The following LDLRAD4 variants were observed in gnomAD, a reference collection of about 807,000 sequenced individuals.
LDLRAD4 encodes the protein low-density lipoprotein receptor class A domain-containing protein 4.
A neutral mutation model predicts 17.0 loss-of-function variants in LDLRAD4; 5 were observed. The observed-to-expected ratio is 0.29, with a 90% confidence interval of 0.15 to 0.62. LDLRAD4 has a LOEUF of 0.62. LDLRAD4 is among the 20% of genes least tolerant of loss of function. The probability of loss-of-function intolerance (pLI) is 0.84; values close to 1 mark genes in which losing one functional copy is unlikely to be tolerated. For synonymous variants in LDLRAD4, 168 were observed against 171.8 expected (o/e 0.98, Z 0.17); for missense variants, 340 against 424.7 (o/e 0.80, Z 1.75).
intron 1 of LDLRAD4, among the ~76,000 whole-genome samples, chr18:13,379,435 G>A (rs2085174290): frequency 6.6e-6 from 1 of 152,240 alleles, no homozygotes; most frequent in Non-Finnish European, 1.5e-5. Flanking sequence ...GGTACCTGCT[G>A]TATTCTAGTC....
At chr18:13,269,470 A>T (rs1345318054) in intron 1 of LDLRAD4, among the ~76,000 whole-genome samples, 1 of 152,248 alleles carries the variant, frequency 6.6e-6, no homozygotes, top group South Asian at 2.1e-4. Flanking sequence ...ATGAGGTAGT[A>T]GAAGCATGTC....
chr18:13,561,470 A>G (rs2094540033), intron 3 of LDLRAD4: 1 of 152,220 alleles, frequency 6.6e-6, no homozygotes, highest in Non-Finnish European at 1.5e-5. Flanking sequence ...TAATTAAGAG[A>G]TATTTCAAGA....
At chr18:13,322,516 T>G (rs1489877647) in intron 1 of LDLRAD4, among the ~76,000 whole-genome samples, 1 of 152,104 alleles carries the variant, frequency 6.6e-6, no homozygotes, top group Non-Finnish European at 1.5e-5. Context: ...GCCAGGCTGG[T>G]CTAAAACTCC....
rs549734583 is a variant in LDLRAD4 at position 13,596,488 on chromosome 18, C to T, written c.182-24629C>T. Among the ~76,000 whole-genome samples the T allele has an allele frequency of 2.1e-4, 32 of 152,280 alleles. No individual in the cohort carries two copies. The South Asian group carries it at 5.8e-3, about 28-fold the overall frequency. Reference sequence around the variant, plus strand: ...TCTTAATGGTTGCTCTCAAGCTTAACACACATAACTTGTCAGAATCTACTT... The same window carrying T: ...TCTTAATGGTTGCTCTCAAGCTTAATACACATAACTTGTCAGAATCTACTT... On this transcript the variant is annotated intron_variant, in intron 3 of 5. Coordinates refer to ENST00000359446, the Ensembl canonical transcript of LDLRAD4.
chr18:13,625,298 G>A (rs982097656), intron 4 of LDLRAD4, among the ~76,000 whole-genome samples: 8 of 152,312 alleles, frequency 5.3e-5, no homozygotes, highest in Non-Finnish European at 7.4e-5. Context: ...TTACTGTTAC[G>A]TCTTTCTGCT....
At position 13,440,745 on chromosome 18, in the gene LDLRAD4, G is replaced by A. The variant is rs575363836; in HGVS notation, c.181+2361G>A. 9.2e-5 allele frequency among the ~76,000 whole-genome samples: 14 copies of A among 152,328 alleles called. No homozygotes were observed. The highest frequency in any genetic ancestry group is 2.4e-4 in the African/African-American group (10 of 41,582). On this transcript the variant is annotated intron_variant, in intron 3 of 5. Transcript: ENST00000359446. This position sits in a 1 kb window ranked among gnomAD's most constrained non-coding sequence, Gnocchi z 4.4. The stretch of plus-strand genomic sequence containing the variant: ...CATGGGAAACACAGTCTATGTCATC[G>A]TGTTGCAGTTGCCATCTCCACTCCC...
intron 4 of LDLRAD4, among the ~76,000 whole-genome samples, chr18:13,630,635 G>A (rs1284427): frequency 0.23 from 34,509 of 152,050 alleles, 6,234 homozygotes; most frequent in East Asian, 0.55. Context: ...GACTGACCGA[G>A]GTGCCTAGAG....
intron 1 of LDLRAD4, among the ~76,000 whole-genome samples, chr18:13,244,294 T>TC (rs2042849210): frequency 6.6e-6 from 1 of 150,562 alleles, no homozygotes; most frequent in African/African-American, 2.5e-5. Flanking sequence ...ATCCATCTAT[T>TC]CATCCATTCA....
intron 1 of LDLRAD4, among the ~76,000 whole-genome samples, chr18:13,331,808 G>A (rs1315518751): frequency 6.6e-6 from 1 of 152,168 alleles, no homozygotes; most frequent in African/African-American, 2.4e-5. Context: ...TAACAACTTG[G>A]AGGTTTCTCT....
At chr18:13,326,732 C>G (rs962289835) in intron 1 of LDLRAD4, among the ~76,000 whole-genome samples, 1 of 151,858 alleles carries the variant, frequency 6.6e-6, no homozygotes, top group East Asian at 1.9e-4. Flanking sequence ...ACCCTCTTGG[C>G]TTAACTTTCC....
At chr18:13,588,106 G>A (rs1294625940) in intron 3 of LDLRAD4, among the ~76,000 whole-genome samples, 3 of 152,200 alleles carry the variant, frequency 2.0e-5, no homozygotes, top group Non-Finnish European at 4.4e-5. Flanking sequence ...ATTCTCAGAA[G>A]AATAATTTCT....
At chr18:13,503,674 C>T (rs964017439) in intron 3 of LDLRAD4, among the ~76,000 whole-genome samples, 3 of 151,596 alleles carry the variant, frequency 2.0e-5, no homozygotes, top group African/African-American at 7.3e-5. Flanking sequence ...GGCATGTGTG[C>T]GTGGATGTGG....
At chr18:13,234,261 A>AC (rs1489954722) in intron 1 of LDLRAD4, among the ~76,000 whole-genome samples, 3 of 151,070 alleles carry the variant, frequency 2.0e-5, no homozygotes, top group East Asian at 1.9e-4. Flanking sequence ...TCACCCACGT[A>AC]CCCCCTCGCC....
chr18:13,612,906 G>C, intron 3 of LDLRAD4: 1 of 1,014,534 alleles, frequency 9.9e-7, no homozygotes, highest in Non-Finnish European at 1.5e-6. Context: ...TTCTACCTAA[G>C]AGGGGTCTGT....
At chr18:13,458,257 G>A (rs149991455) in intron 3 of LDLRAD4, among the ~76,000 whole-genome samples, 179 of 152,312 alleles carry the variant, frequency 1.2e-3, no homozygotes, top group African/African-American at 3.7e-3. Context: ...TGCCATTCAC[G>A]CAAAACAAAT....
At chr18:13,343,135 A>G (rs1485349868) in intron 1 of LDLRAD4, among the ~76,000 whole-genome samples, 2 of 152,116 alleles carry the variant, frequency 1.3e-5, no homozygotes, top group Non-Finnish European at 1.5e-5. Flanking sequence ...CACAACGTGC[A>G]GGTTAGTTAC....
chr18:13,427,058 C>T lies in LDLRAD4; in HGVS notation c.41-11186C>T, dbSNP rs757342012. On this transcript the variant is annotated intron_variant, in intron 2 of 5. Coordinates refer to ENST00000359446, the Ensembl canonical transcript of LDLRAD4. ...AAAATGAGCCAGGCGTGGTGGTGCACACCTGTAGTCCCAGCTACTCGGGAG... is the reference window on the plus strand; with the variant it reads ...AAAATGAGCCAGGCGTGGTGGTGCATACCTGTAGTCCCAGCTACTCGGGAG... Among the ~76,000 whole-genome samples the T allele has an allele frequency of 9.4e-4, 143 of 152,132 alleles. 1 individual carries two copies. The highest frequency in any genetic ancestry group is 1.6e-3 in the Non-Finnish European group (106 of 68,010).
At chr18:13,483,251 G>A (rs1223456195) in intron 3 of LDLRAD4, among the ~76,000 whole-genome samples, 1 of 152,010 alleles carries the variant, frequency 6.6e-6, no homozygotes, top group Non-Finnish European at 1.5e-5. Flanking sequence ...CATCTAGCCA[G>A]ACCTGCCACA....
At chr18:13,560,273 G>T (rs527775435) in intron 3 of LDLRAD4, among the ~76,000 whole-genome samples, 2 of 152,314 alleles carry the variant, frequency 1.3e-5, no homozygotes, top group African/African-American at 4.8e-5. Context: ...GCTGAAGGAC[G>T]AATGTGCACA....
Sources: gnomAD v4.1 joint callset for allele counts (sites outside exome capture counted in the v4.1 genomes callset) on GRCh38, gnomAD v4.1.1 for gene constraint, Gnocchi (gnomAD v3.1) non-coding constraint, MANE v1.5 for transcripts, NCBI Gene and HGNC (gene_info 2026-07-23, HGNC 2026-07-21) for gene names.